CDH18: variants seen among roughly 807,000 people sequenced by gnomAD.
CDH18 encodes cadherin 18.
CDH18 carries 31 observed loss-of-function variants against 67.9 expected under a neutral mutation model. The ratio of observed to expected loss-of-function variants is 0.46; its 90% CI spans 0.34 to 0.62. CDH18 has a LOEUF of 0.62. Ranked by LOEUF, CDH18 falls within the 20% of genes least tolerant of loss-of-function variation. The pLI, the probability that CDH18 is intolerant of heterozygous loss-of-function variation, is 0.01. For synonymous variants in CDH18, 362 were observed against 347.2 expected (o/e 1.04, Z -0.48); for missense variants, 890 against 975.5 (o/e 0.91, Z 1.17).
chr5:19,943,598 T>C (rs1305796688), intron 2 of CDH18, among the ~76,000 whole-genome samples: 2 of 152,112 alleles, frequency 1.3e-5, no homozygotes, highest in African/African-American at 2.4e-5. Context: ...ACAAACAAGT[T>C]AACCTTTTTT....
rs1276091463 is a variant in CDH18, at chr5:20,334,534, A to G, written c.-579-79029T>C. ...ATAACTCAGGAAAAAACGATTGAAG[A>G]CTAATGTCAATCAGAGAGAAGAGGG... On this transcript the variant is annotated intron_variant, in intron 1 of 14. Transcript: ENST00000507958. Among the ~76,000 whole-genome samples the G allele has an allele frequency of 2.0e-5, 3 of 152,116 alleles. No homozygotes were observed. The East Asian group carries it at 5.8e-4, about 29-fold the overall frequency.
intron 2 of CDH18, among the ~76,000 whole-genome samples, chr5:19,858,487 G>A (rs1784531779): frequency 6.6e-6 from 1 of 152,120 alleles, no homozygotes; most frequent in Admixed American, 6.6e-5. Context: ...CAATATAATT[G>A]CAGATCAGGA....
chr5:19,856,822 T>C (rs554430545), intron 2 of CDH18, among the ~76,000 whole-genome samples: 1 of 152,286 alleles, frequency 6.6e-6, no homozygotes, highest in South Asian at 2.1e-4. Context: ...TTCTGTTGTT[T>C]CGGCCACCCA....
At chr5:19,908,138 A>G (rs1790731175) in intron 2 of CDH18, among the ~76,000 whole-genome samples, 1 of 152,070 alleles carries the variant, frequency 6.6e-6, no homozygotes. Context: ...TACTATAATT[A>G]TAAAAATTAT....
intron 2 of CDH18, among the ~76,000 whole-genome samples, chr5:20,171,549 C>T (rs1736712061): frequency 1.3e-5 from 2 of 151,752 alleles, no homozygotes; most frequent in South Asian, 4.2e-4. Context: ...CCTTTGCCTA[C>T]TTTTTAATTA....
In CDH18 at chr5:20,402,093, TC is replaced by T. The variant is rs1745817674; in HGVS notation, c.-579-146589del. ...GCCTTACTTCACAAAATTTGTACTTTCTTTTCATATGCCTAGAAGATTTTTT... is the reference window on the plus strand; with the variant it reads ...GCCTTACTTCACAAAATTTGTACTTTTTTTCATATGCCTAGAAGATTTTTT... On this transcript the variant is annotated intron_variant, in intron 1 of 14. Transcript: ENST00000507958. Among the ~76,000 whole-genome samples, 3 of 152,182 alleles carry T rather than the reference TC, an allele frequency of 2.0e-5. No individual in the cohort carries two copies. The East Asian group carries it at 5.8e-4, about 29-fold the overall frequency.
chr5:19,473,700 A>G lies in CDH18; in HGVS notation c.1899T>C (p.Phe633=). Residue 633 remains phenylalanine, a synonymous_variant, in exon 13 of 13, where the codon TTT becomes TTC. Coordinates refer to ENST00000382275, the MANE Select transcript of CDH18 (RefSeq NM_004934.5). ...VLILLAIVVL[F]ITLRRSKKEP... ...CTTTTTTGCTGCGCCTCAGGGTGAT[A>G]AAAAGTACCACAATTGCTGAGGAAG... 6.2e-7 allele frequency: 1 copy of G among 1,601,590 alleles called. No individual in the cohort carries two copies. The highest frequency in any genetic ancestry group is 8.5e-7 in the Non-Finnish European group (1 of 1,173,830).
chr5:20,090,347 C>G lies in CDH18; in HGVS notation c.-517-98333G>C, dbSNP rs1745311388. Reference sequence around the variant, plus strand: ...TTTAGGAGTTCAAGACCAGCTTGACCAATATAGAGAAACCCCGTCTCTACC... The same window carrying G: ...TTTAGGAGTTCAAGACCAGCTTGACGAATATAGAGAAACCCCGTCTCTACC... On this transcript the variant is annotated intron_variant, in intron 2 of 14. Transcript: ENST00000507958. Among the ~76,000 whole-genome samples the G allele has an allele frequency of 6.6e-5, 10 of 152,032 alleles. No homozygotes were observed. The South Asian group carries it at 2.1e-3, about 32-fold the overall frequency.
At chr5:19,809,241 C>T (rs1047204182) in intron 3 of CDH18, among the ~76,000 whole-genome samples, 8 of 152,082 alleles carry the variant, frequency 5.3e-5, no homozygotes, top group Admixed American at 3.3e-4. Context: ...GACTTAGGGA[C>T]ATGGAGGCCA....
chr5:19,992,150 A>G (rs1800020924), upstream of CDH18: 1 of 152,090 alleles, frequency 6.6e-6, no homozygotes, highest in African/African-American at 2.4e-5. Flanking sequence ...CATATTCCTT[A>G]CTCATAATAA....
intron 5 of CDH18, among the ~76,000 whole-genome samples, chr5:19,710,922 T>A (rs1196558578): frequency 1.3e-5 from 2 of 151,824 alleles, no homozygotes; most frequent in Non-Finnish European, 2.9e-5. Context: ...CAAAGAAATA[T>A]AATACAGAAC....
intron 3 of CDH18, among the ~76,000 whole-genome samples, chr5:19,765,467 T>C (rs991441409): frequency 6.6e-6 from 1 of 152,168 alleles, no homozygotes; most frequent in East Asian, 1.9e-4. Flanking sequence ...TCACATTTTT[T>C]CTCTTAATTA....
intron 4 of CDH18, among the ~76,000 whole-genome samples, chr5:19,737,236 C>T (rs933418038): frequency 3.3e-5 from 5 of 152,142 alleles, no homozygotes; most frequent in Non-Finnish European, 7.3e-5. Context: ...ATTTTCTCTA[C>T]ACCCAATCAC....
chr5:20,275,451 G>A (rs1646703738), intron 1 of CDH18, among the ~76,000 whole-genome samples: 1 of 152,122 alleles, frequency 6.6e-6, no homozygotes, highest in South Asian at 2.1e-4. Flanking sequence ...TGTGAGTCAG[G>A]TAAACCTCTT....
At chr5:19,493,537 G>GGTGT (rs67879363) in intron 11 of CDH18, among the ~76,000 whole-genome samples, 15,806 of 147,932 alleles carry the variant, frequency 0.11, 893 homozygotes, top group South Asian at 0.13. Context: ...AGGGAATTGG[G>GGTGT]GTGTGTGTGT....
intron 2 of CDH18, among the ~76,000 whole-genome samples, chr5:19,908,459 C>A (rs6451543): frequency 0.51 from 76,906 of 151,804 alleles, 19,690 homozygotes; most frequent in African/African-American, 0.59. Flanking sequence ...ATATAGACAA[C>A]CTTGAATTTC....
intron 2 of CDH18, among the ~76,000 whole-genome samples, chr5:20,143,980 T>C (rs942046586): frequency 2.0e-5 from 3 of 152,162 alleles, no homozygotes; most frequent in Admixed American, 6.6e-5. Context: ...TCTTGTGTGA[T>C]GTCTTGAACC....
At chr5:19,976,740 T>C (rs1304415422) in intron 2 of CDH18, among the ~76,000 whole-genome samples, 1 of 152,040 alleles carries the variant, frequency 6.6e-6, no homozygotes, top group East Asian at 1.9e-4. Flanking sequence ...AACAAAAGAA[T>C]ACCTACAAAT....
At chr5:20,157,167 G>C (rs549569402) in intron 2 of CDH18, among the ~76,000 whole-genome samples, 3 of 152,260 alleles carry the variant, frequency 2.0e-5, no homozygotes, top group African/African-American at 7.2e-5. Context: ...ACGATTTAAA[G>C]TTTATAAATT....
Sources: allele counts gnomAD v4.1 joint callset (sites outside exome capture counted in the v4.1 genomes callset), GRCh38; gene constraint gnomAD v4.1.1; transcripts MANE v1.5; gene names NCBI Gene and HGNC (gene_info 2026-07-23, HGNC 2026-07-21).